Variants in TRIOBP observed in about 807,000 individuals in gnomAD.
TRIOBP encodes TRIO and F-actin binding protein.
Under a neutral mutation model 238.8 loss-of-function variants are expected in TRIOBP, and 169 were observed. The ratio of observed to expected loss-of-function variants is 0.71; its 90% CI spans 0.62 to 0.80. TRIOBP has a LOEUF of 0.80. Ranked by LOEUF, TRIOBP falls within the 30% of genes least tolerant of loss-of-function variation. The pLI is 0.00. For synonymous variants in TRIOBP, 1,150 were observed against 1,274.4 expected, an observed-to-expected ratio of 0.90 and a Z score of 2.08; for missense variants, 2,838 against 3,122.6, an observed-to-expected ratio of 0.91 and a Z score of 2.17.
In TRIOBP at chr22:37,741,014, G is replaced by C; in HGVS notation, c.5304G>C (p.Gly1768=). The change falls in exon 11 of 24, where the codon GGG becomes GGC. Residue 1768 remains glycine, a synonymous_variant. Coordinates refer to ENST00000644935, the MANE Select transcript of TRIOBP (RefSeq NM_001039141.3). ...TCAATCCGTTCCTGCTGTCTCTGGG[G>C]GTCCTCAGGTGGCGAAGGGTAGGCT... ...TLFNPFLLSL[G]VLRWRRPDLL... The C allele has an allele frequency of 6.4e-7, 1 of 1,562,100 alleles. No individual in the cohort carries two copies. The highest frequency in any genetic ancestry group is 8.7e-7 in the Non-Finnish European group (1 of 1,152,614).
In TRIOBP at chr22:37,725,367, C is replaced by T. The variant is rs115800799; in HGVS notation, c.2811C>T (p.Ile937=). ...AAAGCGAGGTTCCCTGGGCATCCATCGCCCTCCGGCCAACCCAAGGTGACA... is the reference window on the plus strand; with the variant it reads ...AAAGCGAGGTTCCCTGGGCATCCATTGCCCTCCGGCCAACCCAAGGTGACA... ...SKQSEVPWAS[I]ALRPTQGDRP... is the part of the protein sequence containing the mutation. Residue 937 remains isoleucine (I), a synonymous_variant, in exon 7 of 24, where the codon ATC becomes ATT. Transcript: ENST00000644935. 372 of 1,612,634 alleles carry T rather than the reference C, an allele frequency of 2.3e-4. 1 individual carries two copies. The African/African-American group carries it at 3.7e-3, about 16-fold the overall frequency.
rs2145881522 is a variant in TRIOBP at position 37,768,901 on chromosome 22, G to A, written c.6576-127G>A. On this transcript the variant is annotated intron_variant, in intron 19 of 23. Transcript: ENST00000644935. ...GCTGTCACTGGTTCACAGCCCCACA[G>A]CAGGCTAAAGGCAAACCTAGAGAGG... 19 of 1,314,734 alleles carry A rather than the reference G, an allele frequency of 1.4e-5. No individual in the cohort carries two copies. The South Asian group carries it at 2.2e-4, about 15-fold the overall frequency. 81.4% of individuals were successfully genotyped at this position (1,314,734 alleles called of 1,614,324 possible).
chr22:37,705,536 G>A (rs141636954), intron 3 of TRIOBP, among the ~76,000 whole-genome samples: 241 of 152,180 alleles, frequency 1.6e-3, no homozygotes, highest in African/African-American at 5.4e-3. Context: ...CGGCTTTGTG[G>A]ACATGTTGAG....
chr22:37,719,894 T>A (rs1331412529), intron 6 of TRIOBP, among the ~76,000 whole-genome samples: 1 of 151,678 alleles, frequency 6.6e-6, no homozygotes, highest in African/African-American at 2.4e-5. Flanking sequence ...TCTCTGGCCT[T>A]GATTTCTCCC....
At chr22:37,744,300 G>A (rs777449072) in intron 11 of TRIOBP, among the ~76,000 whole-genome samples, 8 of 151,736 alleles carry the variant, frequency 5.3e-5, no homozygotes, top group African/African-American at 9.7e-5. Context: ...ATAAACCACC[G>A]CGCCCAGCCT....
rs1176971209 is a variant in TRIOBP at position 37,751,785 on chromosome 22, A to G, written c.5336A>G (p.Asn1779Ser). ...ATCTCCCCACAGCCCGATCTGCTCA[A>G]CTTCAAGAAGGGATGGATGTCGATC... ...VLRWRRPDLLNFKKGWMSILD... is the reference protein window; with the variant it reads ...VLRWRRPDLLSFKKGWMSILD... The change falls in exon 12 of 24, where the codon AAC becomes AGC. Residue 1779 changes from asparagine (N) to serine (S), a missense_variant. Coordinates refer to ENST00000644935, the MANE Select transcript of TRIOBP (RefSeq NM_001039141.3). The G allele has an allele frequency of 1.2e-6, 2 of 1,614,118 alleles. No individual in the cohort carries two copies. The highest frequency in any genetic ancestry group is 1.7e-6 in the Non-Finnish European group (2 of 1,180,002).
At chr22:37,726,842 C>T (rs572671600) in intron 7 of TRIOBP, among the ~76,000 whole-genome samples, 6 of 152,162 alleles carry the variant, frequency 3.9e-5, no homozygotes, top group Non-Finnish European at 5.9e-5. Flanking sequence ...GTTTCCTCAT[C>T]TGTAAGGGAG....
chr22:37,764,661 C>T (rs141312841), intron 17 of TRIOBP, among the ~76,000 whole-genome samples: 19 of 152,280 alleles, frequency 1.2e-4, no homozygotes, highest in African/African-American at 2.6e-4. Context: ...ATGATGCCAC[C>T]GGACCACCCC....
At position 37,713,401 on chromosome 22, in the gene TRIOBP, C is replaced by T. The variant is rs769860248; in HGVS notation, c.446C>T (p.Ser149Leu). The change falls in exon 5 of 24, where the codon TCG (serine) becomes TTG (leucine). Residue 149 changes from serine to leucine, a missense_variant. This residue lies in a region of TRIOBP where 535 missense variants were observed against 537.3 expected (regional missense o/e 1.00). Transcript: ENST00000644935. ...DSATPDDTSNSSSVDWDTVER... is the reference protein window; with the variant it reads ...DSATPDDTSNLSSVDWDTVER... ...GCCACCCCTGATGATACCAGCAACT[C>T]GTCCTCTGTGGTGAGCCAGGAGTGG... 3.2e-5 allele frequency: 51 copies of T among 1,613,058 alleles called. No homozygotes were observed. In the South Asian group the frequency reaches 3.6e-4, roughly 11 times the overall value.
Position 37,744,086 on chromosome 22 carries a change from G to A in TRIOBP, c.5322+3054G>A, listed in dbSNP as rs142904366. Among the ~76,000 whole-genome samples, 130 of 144,508 alleles carry A rather than the reference G, an allele frequency of 9.0e-4. No individual in the cohort carries two copies. The East Asian group carries it at 0.012, about 13-fold the overall frequency. The allele number at this position is 144,508 out of a possible 152,430, so 94.8% of individuals were successfully genotyped here. A position where few individuals can be genotyped will look rare whatever the true frequency, so the allele number is the denominator to read the frequency against. On this transcript the variant is annotated intron_variant, in intron 11 of 23. Coordinates refer to ENST00000644935, the MANE Select transcript of TRIOBP (RefSeq NM_001039141.3). ...TGCAGTGGTGTGATCTTCACTCACC[G>A]CAACCTACGCCTCCCAGGTTCCAGC...
In TRIOBP at chr22:37,701,422, C is replaced by T; in HGVS notation, c.57C>T (p.Thr19=). The change falls in exon 3 of 24, where the codon ACC becomes ACT. Residue 19 remains threonine (T), a synonymous_variant. Transcript: ENST00000644935. ...LCEHFEANIL[T]QNRCQNCFHP... is the part of the protein sequence containing the mutation. ...AACACTTTGAGGCCAACATACTTAC[C>T]CAGAACCGCTGTCAAAACTGCTTCC... 6.2e-7 allele frequency: 1 copy of T among 1,613,858 alleles called. No homozygotes were observed. Among genetic ancestry groups the T allele is most frequent in the African/African-American group, 1.3e-5 (1 of 75,006 alleles).
chr22:37,715,509 AT>A (rs543451312), intron 5 of TRIOBP, among the ~76,000 whole-genome samples: 1 of 150,632 alleles, frequency 6.6e-6, no homozygotes, highest in Non-Finnish European at 1.5e-5. Context: ...CGCCCAGCTA[AT>A]TTTTTGTATT....
chr22:37,719,718 G>T (rs956206273), intron 6 of TRIOBP, among the ~76,000 whole-genome samples: 1 of 151,886 alleles, frequency 6.6e-6, no homozygotes, highest in East Asian at 1.9e-4. Flanking sequence ...CCTTCCTCAC[G>T]GGCCACTCCA....
chr22:37,722,609 C>T (rs1923893667), intron 6 of TRIOBP, among the ~76,000 whole-genome samples: 1 of 151,948 alleles, frequency 6.6e-6, no homozygotes. Flanking sequence ...TGCCTGTAAT[C>T]CCAGCTACTC....
At chr22:37,743,825 G>T (rs1469558414) in intron 11 of TRIOBP, among the ~76,000 whole-genome samples, 1 of 125,744 alleles carries the variant, frequency 8.0e-6, no homozygotes, top group East Asian at 2.3e-4. Context: ...GTGTGTGTGT[G>T]TGTGTGTGTG....
At chr22:37,704,356 CT>C (rs1922813698) in intron 3 of TRIOBP, among the ~76,000 whole-genome samples, 1 of 150,528 alleles carries the variant, frequency 6.6e-6, no homozygotes, top group East Asian at 2.0e-4. Context: ...GTATTTCAGC[CT>C]GGGTGACAGA....
At chr22:37,743,829 GT>G in intron 11 of TRIOBP, among the ~76,000 whole-genome samples, 1 of 127,058 alleles carries the variant, frequency 7.9e-6, no homozygotes, top group East Asian at 2.2e-4. Flanking sequence ...GTGTGTGTGT[GT>G]GTGTGTGTGT....
At chr22:37,764,385 T>C (rs993082061) in intron 17 of TRIOBP, among the ~76,000 whole-genome samples, 1 of 152,226 alleles carries the variant, frequency 6.6e-6, no homozygotes, top group African/African-American at 2.4e-5. Context: ...AAGCCAACTT[T>C]CACCACCTCA....
chr22:37,754,362 G>A (rs58019211), intron 12 of TRIOBP, among the ~76,000 whole-genome samples: 10,463 of 150,544 alleles, frequency 0.07, 1,220 homozygotes, highest in African/African-American at 0.24. Flanking sequence ...TGCAGTGAGT[G>A]GAGATTGCAC....
Sources: gnomAD v4.1 joint callset for allele counts (sites outside exome capture counted in the v4.1 genomes callset) on GRCh38, gnomAD v4.1.1 for gene constraint, gnomAD v4.1.1 regional missense constraint, MANE v1.5 for transcripts, NCBI Gene and HGNC (gene_info 2026-07-23, HGNC 2026-07-21) for gene names.